The following SS18L2 variants were observed in gnomAD, a reference collection of about 807,000 sequenced individuals.
SS18L2 encodes the protein SS18 like 2, also known as SS18-like protein 2.
Under a neutral mutation model 10.3 loss-of-function variants are expected in SS18L2, and 8 were observed. The ratio of observed to expected loss-of-function variants is 0.78; its 90% CI spans 0.46 to 1.41. SS18L2 has a LOEUF of 1.41. Among genes scored for constraint, SS18L2 ranks in the 40% most tolerant of loss-of-function variants. The pLI is 0.00. For synonymous variants in SS18L2, 41 were observed against 34.6 expected (o/e 1.19, Z -0.65); for missense variants, 100 against 96.2 (o/e 1.04, Z -0.17).
chr3:42,583,906 CCA>C (rs1704520045), intron 1 of SS18L2, among the ~76,000 whole-genome samples: 1 of 152,208 alleles, frequency 6.6e-6, no homozygotes, highest in South Asian at 2.1e-4. Context: ...AAGACTTGTA[CCA>C]GTGGTTCCCC....
In SS18L2 at chr3:42,594,530, A is replaced by T; in HGVS notation, c.*21A>T. On this transcript the variant is annotated 3_prime_UTR_variant, in exon 3 of 3. Transcript: ENST00000011691. ...AATAATCTTTCAAAAGCAATAGAAT[A>T]ATCTTCCATTTGGCTGTCGTGAGGA... 6.2e-7 allele frequency: 1 copy of T among 1,602,458 alleles called. No homozygotes were observed. Among genetic ancestry groups the T allele is most frequent in the Non-Finnish European group, 8.5e-7 (1 of 1,170,080 alleles).
At chr3:42,590,011 G>A (rs1704763223), upstream of SS18L2, among the ~76,000 whole-genome samples, 1 of 152,212 alleles carries the variant, frequency 6.6e-6, no homozygotes, top group South Asian at 2.1e-4. Flanking sequence ...TTCAGAGACT[G>A]GCTTTGCTAA....
chr3:42,582,632 G>A (rs913131400), intron 1 of SS18L2, among the ~76,000 whole-genome samples: 10 of 152,262 alleles, frequency 6.6e-5, no homozygotes, highest in Non-Finnish European at 7.3e-5. Context: ...AGGAGGCAGG[G>A]TGAGAGCACC....
chr3:42,596,044 T>TG lies in SS18L2; in HGVS notation c.*1535_*1536insG, dbSNP rs1705019023. On this transcript the variant is annotated 3_prime_UTR_variant, in exon 3 of 3. Transcript: ENST00000011691. ...TTTGTTTTGTTTTTGTTTTTGTTTT[T>TG]TTTTGAGACGGAATCTCGCTCTGTC... 6.6e-6 allele frequency among the ~76,000 whole-genome samples: 1 copy of TG among 152,090 alleles called. No individual in the cohort carries two copies. Among genetic ancestry groups the TG allele is most frequent in the Non-Finnish European group, 1.5e-5 (1 of 68,016 alleles).
upstream of SS18L2, chr3:42,587,540 A>T (rs1437394180): frequency 1.3e-5 from 2 of 151,914 alleles, no homozygotes; most frequent in East Asian, 3.9e-4. Context: ...CATCCTGGCT[A>T]ACACAGTGGA....
At chr3:42,589,596 G>T (rs1041988160), upstream of SS18L2, among the ~76,000 whole-genome samples, 1 of 152,232 alleles carries the variant, frequency 6.6e-6, no homozygotes, top group Non-Finnish European at 1.5e-5. Context: ...TGCCCCCTCA[G>T]ATCAGCGGGG....
chr3:42,590,760 C>T (rs966832672), upstream of SS18L2: 2 of 901,298 alleles, frequency 2.2e-6, no homozygotes, highest in African/African-American at 1.6e-5. Context: ...GAGTATAGCT[C>T]TTGCGCGTCC....
intron 1 of SS18L2, among the ~76,000 whole-genome samples, chr3:42,585,854 T>C (rs1409272481): frequency 1.3e-5 from 2 of 152,146 alleles, no homozygotes; most frequent in Non-Finnish European, 2.9e-5. Context: ...TCAGCGCTCC[T>C]ATTTGCCAAG....
intron 2 of SS18L2, among the ~76,000 whole-genome samples, chr3:42,592,770 T>A (rs915656042): frequency 6.6e-6 from 1 of 152,148 alleles, no homozygotes; most frequent in Non-Finnish European, 1.5e-5. Flanking sequence ...AACCCAAGGG[T>A]AAGAAAGTTA....
chr3:42,591,681 G>T, intron 2 of SS18L2, 80 bp downstream of exon 2: 1 of 1,004,542 alleles, frequency 1.0e-6, no homozygotes, highest in Non-Finnish European at 1.6e-6. Flanking sequence ...CGAACTAAGA[G>T]TCTTGGGTGA....
intron 1 of SS18L2, among the ~76,000 whole-genome samples, chr3:42,583,484 A>G (rs989429575): frequency 6.6e-6 from 1 of 152,178 alleles, no homozygotes; most frequent in Non-Finnish European, 1.5e-5. Flanking sequence ...GGAAGAGGAG[A>G]TAAGATTGAT....
intron 1 of SS18L2, among the ~76,000 whole-genome samples, chr3:42,584,370 T>A (rs570927830): frequency 6.6e-6 from 1 of 152,170 alleles, no homozygotes; most frequent in African/African-American, 2.4e-5. Flanking sequence ...TTCTTCTGCC[T>A]CAGCCTCCCA....
At chr3:42,594,391 C>T (rs754119553) in intron 2 of SS18L2, 31 bp from the exon 3 acceptor site, 10 of 1,567,376 alleles carry the variant, frequency 6.4e-6, no homozygotes, top group Non-Finnish European at 8.8e-6. Flanking sequence ...AAAAACAAGC[C>T]TCTGATTTTT....
At chr3:42,586,256 C>T (rs892612526), upstream of SS18L2, among the ~76,000 whole-genome samples, 4 of 152,126 alleles carry the variant, frequency 2.6e-5, no homozygotes, top group Non-Finnish European at 4.4e-5. Context: ...GACAGAGTCT[C>T]GCTCTGTCAC....
intron 1 of SS18L2, among the ~76,000 whole-genome samples, chr3:42,584,287 C>T (rs945658007): frequency 1.6e-4 from 25 of 152,312 alleles, no homozygotes; most frequent in African/African-American, 5.8e-4. Flanking sequence ...CTGAGTCTCA[C>T]TCTGTGGCCT....
intron 1 of SS18L2, among the ~76,000 whole-genome samples, chr3:42,585,539 C>T (rs1035477404): frequency 1.3e-5 from 2 of 152,084 alleles, no homozygotes; most frequent in African/African-American, 2.4e-5. Context: ...TTCATTTGTC[C>T]CTCTACTTTG....
At chr3:42,592,875 C>A (rs1241375116) in intron 2 of SS18L2, among the ~76,000 whole-genome samples, 1 of 152,146 alleles carries the variant, frequency 6.6e-6, no homozygotes, top group Non-Finnish European at 1.5e-5. Flanking sequence ...CTACCCCCCC[C>A]ACCGTAAACT....
At chr3:42,582,767 G>C (rs1192255481) in intron 1 of SS18L2, among the ~76,000 whole-genome samples, 1 of 152,204 alleles carries the variant, frequency 6.6e-6, no homozygotes, top group African/African-American at 2.4e-5. Context: ...TAGGCAAAGG[G>C]GAGAGGAAGT....
chr3:42,591,249 G>C, intron 1 of SS18L2: 1 of 574,036 alleles, frequency 1.7e-6, no homozygotes, highest in South Asian at 2.1e-5. Flanking sequence ...GCCCAGGCTG[G>C]AGTGCAGTGG....
Sources: gnomAD v4.1 joint callset for allele counts (sites outside exome capture counted in the v4.1 genomes callset) on GRCh38, gnomAD v4.1.1 for gene constraint, MANE v1.5 for transcripts, NCBI Gene and HGNC (gene_info 2026-07-23, HGNC 2026-07-21) for gene names.